Variants in ASCC3 observed in about 807,000 individuals in gnomAD.
ASCC3 encodes activating signal cointegrator 1 complex subunit 3.
ASCC3 carries 158 observed loss-of-function variants against 256.3 expected under a neutral mutation model. That is an observed-to-expected ratio of 0.62 (90% CI 0.54 to 0.70). ASCC3 has a LOEUF of 0.70. Among genes scored for constraint, ASCC3 ranks in the 30% least tolerant of loss-of-function variants. ASCC3 has a pLI of 0.00. For missense variants in ASCC3, 2,259 were observed against 2,626.0 expected (o/e 0.86, Z 3.05); for synonymous variants, 948 against 883.4 (o/e 1.07, Z -1.30).
At position 100,655,749 on chromosome 6, in the gene ASCC3, G is replaced by T; in HGVS notation, c.2773C>A (p.Arg925=). 1.2e-6 allele frequency: 2 copies of T among 1,611,456 alleles called. No homozygotes were observed. Among genetic ancestry groups the T allele is most frequent in the Non-Finnish European group, 1.7e-6 (2 of 1,178,870 alleles). ...TATGCTAATGGATTTGCTCTCATCC[G>T]TACATAAAGATAAGTGTAACTTATC... The part of the protein sequence containing the change: ...KWISYTYLYV[R]MRANPLAYGI... The change falls in exon 17 of 42, where the codon CGG becomes AGG. Residue 925 remains arginine (R), a synonymous_variant. Coordinates refer to ENST00000369162, the MANE Select transcript of ASCC3 (RefSeq NM_006828.4).
intron 36 of ASCC3, among the ~76,000 whole-genome samples, chr6:100,574,578 A>C (rs1047869509): frequency 3.9e-5 from 6 of 152,098 alleles, no homozygotes; most frequent in African/African-American, 1.4e-4. Flanking sequence ...AAATAACTAA[A>C]ACTCATTCCT....
At chr6:100,658,623 G>C (rs1001447926) in intron 16 of ASCC3, among the ~76,000 whole-genome samples, 3 of 151,378 alleles carry the variant, frequency 2.0e-5, no homozygotes, top group African/African-American at 4.8e-5. Flanking sequence ...CTTGGCACAG[G>C]CATTTCTTAA....
At chr6:100,646,952 A>C (rs1368599332) in intron 21 of ASCC3, among the ~76,000 whole-genome samples, 183 bp from the exon 22 acceptor site, 1 of 152,180 alleles carries the variant, frequency 6.6e-6, no homozygotes, top group Non-Finnish European at 1.5e-5. Context: ...TTGAATTAGC[A>C]ATTCACAGTT....
chr6:100,670,653 C>A (rs989984322), intron 14 of ASCC3, among the ~76,000 whole-genome samples: 3 of 143,824 alleles, frequency 2.1e-5, no homozygotes, highest in African/African-American at 7.7e-5. Flanking sequence ...CCCCCAAATT[C>A]TTTTAATCCG....
intron 13 of ASCC3, among the ~76,000 whole-genome samples, chr6:100,701,058 G>A (rs955626257): frequency 2.6e-5 from 4 of 152,112 alleles, no homozygotes; most frequent in African/African-American, 9.7e-5. Flanking sequence ...ATCTTGAATT[G>A]TAACTCCCAC....
chr6:100,802,531 T>C (rs1769969915), intron 5 of ASCC3, among the ~76,000 whole-genome samples: 1 of 152,140 alleles, frequency 6.6e-6, no homozygotes, highest in African/African-American at 2.4e-5. Context: ...TATTTCTTTA[T>C]AGCAATGTGA....
At chr6:100,834,044 T>A (rs1045636096) in intron 4 of ASCC3, among the ~76,000 whole-genome samples, 1 of 152,164 alleles carries the variant, frequency 6.6e-6, no homozygotes, top group Non-Finnish European at 1.5e-5. Flanking sequence ...CCAGCCTGGG[T>A]GACAGTGTGA....
intron 24 of ASCC3, 92 bp from the exon 25 acceptor site, chr6:100,638,913 T>G: frequency 9.2e-7 from 1 of 1,091,110 alleles, no homozygotes; most frequent in East Asian, 2.5e-5. Context: ...TAGTAATCCT[T>G]AGTTCCTTAG....
intron 37 of ASCC3, chr6:100,530,246 G>C (rs1354552711): frequency 2.2e-6 from 2 of 898,056 alleles, no homozygotes; most frequent in Non-Finnish European, 1.9e-6. Context: ...AGAGCCACAG[G>C]AGGAGGGGAG....
chr6:100,747,136 CAA>C (rs34268050), intron 10 of ASCC3, among the ~76,000 whole-genome samples: 2 of 140,128 alleles, frequency 1.4e-5, no homozygotes, highest in African/African-American at 2.6e-5. Context: ...CATATAGTTG[CAA>C]AAAAAAAAAA....
At chr6:100,790,345 C>G (rs891728678) in intron 8 of ASCC3, among the ~76,000 whole-genome samples, 1 of 151,934 alleles carries the variant, frequency 6.6e-6, no homozygotes, top group South Asian at 2.1e-4. Flanking sequence ...TAGCAAGCTT[C>G]TTAAAGCCAG....
At chr6:100,791,105 C>A (rs1199914270) in intron 8 of ASCC3, among the ~76,000 whole-genome samples, 1 of 151,520 alleles carries the variant, frequency 6.6e-6, no homozygotes, top group Non-Finnish European at 1.5e-5. Flanking sequence ...ATAAAAATTT[C>A]TTATTTATAA....
intron 33 of ASCC3, among the ~76,000 whole-genome samples, chr6:100,604,940 A>T (rs2114802800): frequency 6.6e-6 from 1 of 152,204 alleles, no homozygotes; most frequent in East Asian, 1.9e-4. Flanking sequence ...CCTAAACCTG[A>T]AGGAAGAAAG....
At chr6:100,786,439 T>C (rs1769086146) in intron 8 of ASCC3, among the ~76,000 whole-genome samples, 4 of 152,128 alleles carry the variant, frequency 2.6e-5, no homozygotes, top group African/African-American at 9.7e-5. Context: ...AAGTTTAAAC[T>C]CATATGAACT....
chr6:100,583,589 G>C (rs140178131), intron 36 of ASCC3, among the ~76,000 whole-genome samples: 4,919 of 151,934 alleles, frequency 0.032, 239 homozygotes, highest in African/African-American at 0.11. Context: ...CTATTTCCTT[G>C]AGTTCTACTC....
At chr6:100,637,074 G>A (rs1471873165) in intron 25 of ASCC3, among the ~76,000 whole-genome samples, 3 of 152,146 alleles carry the variant, frequency 2.0e-5, no homozygotes, top group Admixed American at 6.5e-5. Flanking sequence ...ATTGGAGGAG[G>A]ATGTCATCAA....
At chr6:100,726,098 A>G (rs1434507937) in intron 10 of ASCC3, among the ~76,000 whole-genome samples, 1 of 151,894 alleles carries the variant, frequency 6.6e-6, no homozygotes, top group Non-Finnish European at 1.5e-5. Context: ...AAAAGGAAAG[A>G]AAGAAAAATC....
rs1258553268 is a variant in ASCC3 at position 100,639,757 on chromosome 6, G to C, written c.3902-936C>G. Reference sequence around the variant, plus strand: ...ACTGCTCTATTCAGTTAATTACATAGGTAACTGAGGGCTAACGACATACTT... The same window carrying C: ...ACTGCTCTATTCAGTTAATTACATACGTAACTGAGGGCTAACGACATACTT... On this transcript the variant is annotated intron_variant, in intron 24 of 41. Coordinates refer to ENST00000369162, the MANE Select transcript of ASCC3 (RefSeq NM_006828.4). 9.2e-5 allele frequency among the ~76,000 whole-genome samples: 14 copies of C among 152,222 alleles called. No homozygotes were observed. The East Asian group carries it at 1.9e-3, about 21-fold the overall frequency.
intron 26 of ASCC3, among the ~76,000 whole-genome samples, chr6:100,630,249 C>G (rs924099323): frequency 2.6e-5 from 4 of 152,022 alleles, no homozygotes; most frequent in Non-Finnish European, 5.9e-5. Context: ...AAATTTGTTC[C>G]TCTAAGCATA....
Sources: gnomAD v4.1 joint callset for allele counts (sites outside exome capture counted in the v4.1 genomes callset) on GRCh38, gnomAD v4.1.1 for gene constraint, MANE v1.5 for transcripts, NCBI Gene and HGNC (gene_info 2026-07-23, HGNC 2026-07-21) for gene names.